The following PTPRB variants were observed in gnomAD, a reference collection of about 807,000 sequenced individuals.
PTPRB encodes receptor-type tyrosine-protein phosphatase beta.
PTPRB carries 97 observed loss-of-function variants against 238.1 expected under a neutral mutation model. The ratio of observed to expected loss-of-function variants is 0.41; its 90% CI spans 0.35 to 0.48. The LOEUF is 0.48. Among genes scored for constraint, PTPRB ranks in the 20% least tolerant of loss-of-function variants. PTPRB has a pLI of 0.30. For synonymous variants in PTPRB, 970 were observed against 995.4 expected, an observed-to-expected ratio of 0.97 and a Z score of 0.48; for missense variants, 2,292 against 2,681.9, an observed-to-expected ratio of 0.85 and a Z score of 3.21.
At chr12:70,521,808 AG>A in intron 33 of PTPRB, among the ~76,000 whole-genome samples, 1 of 152,320 alleles carries the variant, frequency 6.6e-6, no homozygotes, top group Non-Finnish European at 1.5e-5. Flanking sequence ...TTAGTTCGAG[AG>A]TTCGGACCTG....
chr12:70,613,433 C>T (rs961660273), intron 3 of PTPRB, among the ~76,000 whole-genome samples: 1 of 152,086 alleles, frequency 6.6e-6, no homozygotes, highest in Non-Finnish European at 1.5e-5. Context: ...ATGGAACTGA[C>T]TTGCCCTAGA....
intron 27 of PTPRB, 178 bp downstream of exon 27, chr12:70,538,746 A>G (rs1219975581): frequency 6.6e-6 from 4 of 606,196 alleles, no homozygotes; most frequent in Non-Finnish European, 1.2e-5. Flanking sequence ...TAAACTGGCT[A>G]TTATCCCTCT....
intron 8 of PTPRB, among the ~76,000 whole-genome samples, chr12:70,589,038 T>C (rs1340556783): frequency 6.6e-6 from 1 of 152,214 alleles, no homozygotes; most frequent in East Asian, 1.9e-4. Context: ...TAATGTTCTG[T>C]GATCTTCCAT....
In PTPRB at chr12:70,626,308, T is replaced by C. The variant is rs867821279; in HGVS notation, c.452-3662A>G. Among the ~76,000 whole-genome samples, 50 of 108,606 alleles carry C rather than the reference T, an allele frequency of 4.6e-4. 4 individuals carry two copies. The highest frequency in any genetic ancestry group is 4.4e-3 in the Admixed American group (42 of 9,624). The allele number at this position is 108,606 out of a possible 152,430, so 71.2% of individuals were successfully genotyped here. A position where few individuals can be genotyped will look rare whatever the true frequency, so the allele number is the denominator to read the frequency against. ...ATGTCTATCCATCCATCTATCTATC[T>C]ATCTATCTATCTATCTATCTATCTA... On this transcript the variant is annotated intron_variant, in intron 2 of 33. Transcript: ENST00000334414.
At chr12:70,630,189 A>G (rs923947336) in intron 2 of PTPRB, among the ~76,000 whole-genome samples, 1 of 152,194 alleles carries the variant, frequency 6.6e-6, no homozygotes, top group Non-Finnish European at 1.5e-5. Flanking sequence ...GGCAAACCGA[A>G]TCCAGCAGCA....
intron 4 of PTPRB, among the ~76,000 whole-genome samples, chr12:70,604,034 G>T (rs1417464158): frequency 6.6e-6 from 1 of 152,072 alleles, no homozygotes; most frequent in Admixed American, 6.6e-5. Flanking sequence ...GGCCACAGAG[G>T]CTCAAAACCA....
At chr12:70,562,021 G>A in intron 16 of PTPRB, among the ~76,000 whole-genome samples, 1 of 152,230 alleles carries the variant, frequency 6.6e-6, no homozygotes, top group Non-Finnish European at 1.5e-5. Context: ...TCTAATTCCA[G>A]CACTTTGGGA....
At chr12:70,596,353 A>AT (rs1883021578) in intron 4 of PTPRB, 26 bp from the exon 5 acceptor site, 2 of 1,196,282 alleles carry the variant, frequency 1.7e-6, no homozygotes, top group Non-Finnish European at 1.0e-6. Context: ...ACACACACAC[A>AT]CAAAAAAAAA....
Position 70,532,066 on chromosome 12 carries a change from C to T in PTPRB, c.6473G>A (p.Arg2158Lys). The change falls in exon 32 of 34, where the codon AGA becomes AAA. Residue 2158 changes from arginine to lysine, a missense_variant. Physicochemically the swap from Arg to Lys is conservative, Grantham distance 26. This residue lies in a region of PTPRB where 397 missense variants were observed against 502.0 expected (regional missense o/e 0.79). Transcript: ENST00000334414. ...VDIYGAVHDL[R>K]LHRVHMVQTE... Reference sequence around the variant, plus strand: ...CTGGACCATGTGAACCCTGTGAAGTCTTAGGTCGTGCACTGCTCCATAAAT... The same window carrying T: ...CTGGACCATGTGAACCCTGTGAAGTTTTAGGTCGTGCACTGCTCCATAAAT... 1 of 1,613,904 alleles carries T rather than the reference C, an allele frequency of 6.2e-7. No homozygotes were observed. Among genetic ancestry groups the T allele is most frequent in the South Asian group, 1.1e-5 (1 of 91,072 alleles).
chr12:70,584,893 T>C (rs1881736427), intron 9 of PTPRB: 1 of 152,078 alleles, frequency 6.6e-6, no homozygotes, highest in Non-Finnish European at 1.5e-5. Flanking sequence ...AATTATATTT[T>C]TGTGGGATCA....
intron 3 of PTPRB, among the ~76,000 whole-genome samples, chr12:70,611,214 ATATC>A (rs1483622527): frequency 2.1e-4 from 32 of 152,336 alleles, no homozygotes; most frequent in African/African-American, 7.5e-4. Context: ...ATTGTCTACT[ATATC>A]TACTGTGTCT....
intron 11 of PTPRB, among the ~76,000 whole-genome samples, chr12:70,575,451 T>C (rs35872338): frequency 0.053 from 8,004 of 152,206 alleles, 487 homozygotes; most frequent in East Asian, 0.23. Flanking sequence ...CATAAACAAT[T>C]TCAGGGGTTA....
rs1297052444 is a variant in PTPRB at position 70,534,941 on chromosome 12, A to G, written c.6096T>C (p.His2032=). 1 of 1,613,762 alleles carries G rather than the reference A, an allele frequency of 6.2e-7. No homozygotes were observed. The highest frequency in any genetic ancestry group is 8.5e-7 in the Non-Finnish European group (1 of 1,179,770). Residue 2032 remains histidine (H), a synonymous_variant, in exon 30 of 34, where the codon CAT becomes CAC. Coordinates refer to ENST00000334414, the MANE Select transcript of PTPRB (RefSeq NM_001109754.4). ...CVEKGRVKCD[H]YWPADQDSLY... is the part of the protein sequence containing the mutation. ...GGGAATCCTGGTCCGCTGGCCAGTA[A>G]TGATCACACTTTACCTAGAACAGGA... is the stretch of plus-strand genomic sequence containing the variant.
At chr12:70,526,373 A>G (rs901688157) in intron 32 of PTPRB, among the ~76,000 whole-genome samples, 1 of 151,800 alleles carries the variant, frequency 6.6e-6, no homozygotes, top group Admixed American at 6.6e-5. Flanking sequence ...TGGATAAATT[A>G]AAAAAAAATT....
chr12:70,622,964 G>A (rs1393517224), intron 2 of PTPRB, among the ~76,000 whole-genome samples: 1 of 151,716 alleles, frequency 6.6e-6, no homozygotes, highest in Non-Finnish European at 1.5e-5. Context: ...GGGGGTCACT[G>A]AATTGGCTTC....
At chr12:70,597,278 G>T (rs985043474) in intron 4 of PTPRB, among the ~76,000 whole-genome samples, 1 of 152,160 alleles carries the variant, frequency 6.6e-6, no homozygotes, top group Non-Finnish European at 1.5e-5. Flanking sequence ...TGCTGCCAGA[G>T]CACCCAGAGT....
At chr12:70,599,831 GTGA>G (rs1287792567) in intron 4 of PTPRB, among the ~76,000 whole-genome samples, 3 of 152,100 alleles carry the variant, frequency 2.0e-5, no homozygotes, top group Non-Finnish European at 2.9e-5. Flanking sequence ...GAAGCCAAGT[GTGA>G]TGATGTGTGC....
intron 13 of PTPRB, 75 bp from the exon 14 acceptor site, chr12:70,570,013 G>A: frequency 7.2e-7 from 1 of 1,380,278 alleles, no homozygotes; most frequent in Non-Finnish European, 1.0e-6. Context: ...AGTTTTGAAT[G>A]CTTCTGATGT....
intron 3 of PTPRB, among the ~76,000 whole-genome samples, chr12:70,618,247 G>A (rs758492445): frequency 2.0e-5 from 3 of 152,052 alleles, no homozygotes; most frequent in South Asian, 2.1e-4. Context: ...TCACAGGCAC[G>A]CACCACCATA....
Sources: gnomAD v4.1 joint callset for allele counts (sites outside exome capture counted in the v4.1 genomes callset) on GRCh38, gnomAD v4.1.1 for gene constraint, gnomAD v4.1.1 regional missense constraint, MANE v1.5 for transcripts, NCBI Gene and HGNC (gene_info 2026-07-23, HGNC 2026-07-21) for gene names.